The following SRPK1 variants were observed in gnomAD, a reference collection of about 807,000 sequenced individuals.
SRPK1 encodes the protein SFRS protein kinase 1.
A neutral mutation model predicts 89.5 loss-of-function variants in SRPK1; 52 were observed. The observed-to-expected ratio is 0.58, with a 90% CI of 0.46 to 0.73. The LOEUF is 0.73. SRPK1 is among the 30% of genes least tolerant of loss of function. The pLI is 0.00. For missense variants in SRPK1, 603 were observed against 780.6 expected, an observed-to-expected ratio of 0.77 and a Z score of 2.71; for synonymous variants, 255 against 270.2, an observed-to-expected ratio of 0.94 and a Z score of 0.55.
At chr6:35,912,480 A>G (rs1408231723) in intron 2 of SRPK1, among the ~76,000 whole-genome samples, 1 of 152,242 alleles carries the variant, frequency 6.6e-6, no homozygotes, top group African/African-American at 2.4e-5. Context: ...GTACATTTTT[A>G]AAAGACATGA....
intron 13 of SRPK1, among the ~76,000 whole-genome samples, chr6:35,851,837 G>C (rs1395078731): frequency 6.6e-6 from 1 of 152,156 alleles, no homozygotes; most frequent in Non-Finnish European, 1.5e-5. Context: ...TCAATTAAGA[G>C]GAAGGGCCTA....
chr6:35,874,317 A>C lies in SRPK1; in HGVS notation c.501T>G (p.Val167=), dbSNP rs745541736. 5 of 1,613,098 alleles carry C rather than the reference A, an allele frequency of 3.1e-6. No individual in the cohort carries two copies. The East Asian group carries it at 6.7e-5, about 22-fold the overall frequency. Residue 167 remains valine (V), a synonymous_variant, in exon 7 of 16, where the codon GTT becomes GTG. Coordinates refer to ENST00000373825, the MANE Select transcript of SRPK1 (RefSeq NM_003137.5). ...NGTHICMVFE[V]LGHHLLKWII... is the part of the protein sequence containing the mutation. The stretch of plus-strand genomic sequence containing the variant: ...TCCACTTGAGCAGATGATGCCCCAA[A>C]ACTTCAAATACCATGCAGATATCTA...
chr6:35,920,870 A>C (rs933423425), intron 1 of SRPK1, 174 bp downstream of exon 1: 5 of 630,466 alleles, frequency 7.9e-6, no homozygotes, highest in Non-Finnish European at 1.2e-5. Context: ...GCCCGGACTG[A>C]GGGGCGCGGA....
In SRPK1 at chr6:35,872,590, C is replaced by T. The variant is rs776295417; in HGVS notation, c.724G>A (p.Gly242Arg). ...AAEATEWQRS[G>R]APPPSGSAVS... The stretch of plus-strand genomic sequence containing the variant: ...GCAGATCCGGAAGGCGGAGGAGCTC[C>T]AGATCGCTGCCATTCTGTTGCTTCT... Residue 242 changes from glycine (G) to arginine (R), a missense_variant, in exon 8 of 16, where the codon GGA becomes AGA. Coordinates refer to ENST00000373825, the MANE Select transcript of SRPK1 (RefSeq NM_003137.5). 1.2e-6 allele frequency: 2 copies of T among 1,609,314 alleles called. No individual in the cohort carries two copies. Among genetic ancestry groups the T allele is most frequent in the Non-Finnish European group, 1.7e-6 (2 of 1,178,124 alleles).
intron 2 of SRPK1, among the ~76,000 whole-genome samples, chr6:35,891,342 G>A (rs1770513333): frequency 6.6e-6 from 1 of 152,130 alleles, no homozygotes; most frequent in Admixed American, 6.5e-5. Flanking sequence ...ATATTTATCT[G>A]TAATCACATA....
At chr6:35,906,935 A>G (rs1770861255) in intron 2 of SRPK1, among the ~76,000 whole-genome samples, 1 of 152,132 alleles carries the variant, frequency 6.6e-6, no homozygotes, top group Non-Finnish European at 1.5e-5. Flanking sequence ...GGATCTGTCA[A>G]CTCTCTCTCT....
At chr6:35,838,160 G>A (rs1228661396) in intron 15 of SRPK1, among the ~76,000 whole-genome samples, 177 bp downstream of exon 15, 5 of 151,914 alleles carry the variant, frequency 3.3e-5, no homozygotes, top group African/African-American at 9.7e-5. Context: ...GAGCCACCGC[G>A]CCCGGCTCAG....
chr6:35,837,169 G>T (rs562483868), intron 15 of SRPK1, among the ~76,000 whole-genome samples: 17 of 151,918 alleles, frequency 1.1e-4, no homozygotes, highest in East Asian at 7.7e-4. Flanking sequence ...TGTTTTTGTG[G>T]TTTTTTTTGT....
intron 2 of SRPK1, among the ~76,000 whole-genome samples, chr6:35,919,614 A>G (rs1010567851): frequency 7.2e-5 from 11 of 152,378 alleles, no homozygotes; most frequent in Admixed American, 6.5e-4. Context: ...ACGTTAGTAC[A>G]TGATGAAAGT....
chr6:35,858,412 G>T (rs1361267037), intron 12 of SRPK1, among the ~76,000 whole-genome samples: 1 of 151,974 alleles, frequency 6.6e-6, no homozygotes, highest in Non-Finnish European at 1.5e-5. Flanking sequence ...CAAATTTTTA[G>T]TATAAGAGGT....
At chr6:35,840,628 G>A (rs1462578256) in intron 14 of SRPK1, among the ~76,000 whole-genome samples, 2 of 152,152 alleles carry the variant, frequency 1.3e-5, no homozygotes, top group East Asian at 1.9e-4. Context: ...GCTTATGATA[G>A]GATTGATATA....
intron 2 of SRPK1, among the ~76,000 whole-genome samples, chr6:35,893,651 G>A (rs530679737): frequency 2.7e-5 from 4 of 149,514 alleles, no homozygotes; most frequent in East Asian, 1.9e-4. Flanking sequence ...TGTTAGTGTG[G>A]ATGATGCTAC....
intron 2 of SRPK1, among the ~76,000 whole-genome samples, chr6:35,896,865 T>C (rs1770635909): frequency 6.6e-6 from 1 of 152,238 alleles, no homozygotes; most frequent in Non-Finnish European, 1.5e-5. Flanking sequence ...ACAAAATTCA[T>C]ATATCTATAC....
At chr6:35,885,304 G>A (rs111967726) in intron 6 of SRPK1, among the ~76,000 whole-genome samples, 2 of 120,076 alleles carry the variant, frequency 1.7e-5, no homozygotes, top group Non-Finnish European at 3.5e-5. Context: ...CACACAGAGA[G>A]AGAGAGAGAG....
At chr6:35,916,141 T>C (rs1432467070) in intron 2 of SRPK1, among the ~76,000 whole-genome samples, 2 of 151,340 alleles carry the variant, frequency 1.3e-5, no homozygotes, top group African/African-American at 4.9e-5. Flanking sequence ...GGAGAATCGC[T>C]TGAACCCAGG....
chr6:35,838,214 G>A, intron 15 of SRPK1, 123 bp downstream of exon 15: 1 of 685,286 alleles, frequency 1.5e-6, no homozygotes, highest in Non-Finnish European at 2.2e-6. Context: ...TTATCTCTTT[G>A]CTAAGTCACA....
At position 35,890,965 on chromosome 6, in the gene SRPK1, T is replaced by C. The variant is rs1403290081; in HGVS notation, c.123A>G (p.Leu41=). Residue 41 remains leucine (L), a synonymous_variant, in exon 3 of 16, where the codon CTA becomes CTG. Transcript: ENST00000373825. The stretch of plus-strand genomic sequence containing the variant: ...CCAGAATCTCCTCTTCCTGCTCTGG[T>C]AGATCACTCTCAGAGTGGGGAGCAG... The part of the protein sequence containing the change: ...RGSAPHSESD[L]PEQEEEILGS... The C allele has an allele frequency of 1.3e-6, 2 of 1,553,900 alleles. No individual in the cohort carries two copies. The highest frequency in any genetic ancestry group is 1.4e-5 in the African/African-American group (1 of 73,392).
intron 2 of SRPK1, among the ~76,000 whole-genome samples, chr6:35,915,189 G>A (rs981977136): frequency 6.6e-6 from 1 of 152,100 alleles, no homozygotes; most frequent in East Asian, 1.9e-4. Flanking sequence ...AGAACGCGAC[G>A]TCAGGAGATC....
intron 12 of SRPK1, among the ~76,000 whole-genome samples, chr6:35,861,560 C>T (rs1039657992): frequency 1.3e-5 from 2 of 152,194 alleles, no homozygotes; most frequent in African/African-American, 2.4e-5. Flanking sequence ...CATGGGCTGC[C>T]GGTGAGACCA....
Sources: allele counts gnomAD v4.1 joint callset (sites outside exome capture counted in the v4.1 genomes callset), GRCh38; gene constraint gnomAD v4.1.1; transcripts MANE v1.5; gene names NCBI Gene and HGNC (gene_info 2026-07-23, HGNC 2026-07-21).